The following QKI variants were observed in gnomAD, a reference collection of about 807,000 sequenced individuals.
The protein encoded by QKI is QKI, KH domain containing RNA binding.
QKI carries 10 observed loss-of-function variants against 39.0 expected under a neutral mutation model. The ratio of observed to expected loss-of-function variants is 0.26; its 90% CI spans 0.16 to 0.43. The LOEUF (loss-of-function observed/expected upper bound fraction) is 0.43. QKI is among the 20% of genes least tolerant of loss of function. The pLI, the probability that QKI is intolerant of heterozygous loss-of-function variation, is 1.00. For synonymous variants in QKI, 204 were observed against 155.4 expected (o/e 1.31, Z -2.33); for missense variants, 218 against 428.0 (o/e 0.51, Z 4.33).
chr6:163,536,912 A>G (rs373394370), intron 4 of QKI, among the ~76,000 whole-genome samples: 4 of 152,146 alleles, frequency 2.6e-5, no homozygotes, highest in Admixed American at 6.5e-5. Flanking sequence ...TTTCTCATCT[A>G]TGAGATTGGA....
rs1283566928 is a variant in QKI at position 163,439,337 on chromosome 6, TTTG to T, written c.143-15939_143-15937del. Among the ~76,000 whole-genome samples the T allele has an allele frequency of 2.5e-4, 33 of 129,438 alleles. 2 individuals are homozygous for T. The highest frequency in any genetic ancestry group is 4.9e-4 in the Non-Finnish European group (29 of 59,104). 84.9% of individuals were successfully genotyped at this position (129,438 alleles called of 152,430 possible). A position where few individuals can be genotyped will look rare whatever the true frequency, so the allele number is the denominator to read the frequency against. The stretch of plus-strand genomic sequence containing the variant: ...CTAGAATAATCCTTCGTGGTTTTTT[TTTG>T]TTTTTTTTTTTTTTCGGGGGGGTGG... On this transcript the variant is annotated intron_variant, in intron 1 of 7. Coordinates refer to ENST00000361752, the MANE Select transcript of QKI (RefSeq NM_006775.3).
chr6:163,544,008 T>C (rs1350878441), intron 4 of QKI, among the ~76,000 whole-genome samples: 1 of 152,108 alleles, frequency 6.6e-6, no homozygotes, highest in Admixed American at 6.6e-5. Context: ...TGTCATAGTT[T>C]TTCTCACAAA....
chr6:163,569,541 C>A, intron 7 of QKI: 1 of 1,205,014 alleles, frequency 8.3e-7, no homozygotes, highest in Non-Finnish European at 1.1e-6. Flanking sequence ...TTAAGTGGAC[C>A]AAGTTTGGTG....
intron 4 of QKI, among the ~76,000 whole-genome samples, chr6:163,545,106 A>G (rs905757414): frequency 6.6e-6 from 1 of 152,154 alleles, no homozygotes; most frequent in Non-Finnish European, 1.5e-5. Context: ...AATCACAGCC[A>G]TCACCTTTGT....
At chr6:163,519,448 A>G (rs1780020542) in intron 3 of QKI, among the ~76,000 whole-genome samples, 1 of 151,986 alleles carries the variant, frequency 6.6e-6, no homozygotes, top group African/African-American at 2.4e-5. Context: ...TTTATGTGGC[A>G]CAGTGGCGAC....
intron 1 of QKI, among the ~76,000 whole-genome samples, chr6:163,420,183 T>G (rs1250410279): frequency 2.0e-5 from 3 of 149,368 alleles, no homozygotes; most frequent in Non-Finnish European, 4.4e-5. Flanking sequence ...GGTGGTTTTT[T>G]TCTTTCCTTT....
At chr6:163,458,825 C>G (rs922620989) in intron 2 of QKI, among the ~76,000 whole-genome samples, 2 of 152,140 alleles carry the variant, frequency 1.3e-5, no homozygotes, top group African/African-American at 4.8e-5. Flanking sequence ...TCTATTGCAT[C>G]TCTACTGTGT....
rs1007712870 is a variant in QKI at position 163,578,298 on chromosome 6, C to T, written c.*7588C>T. ...AATATTTGCAAGTGAATCCACAATTCTTGCAGAACTATTTGAGTTGATACT... is the reference window on the plus strand; with the variant it reads ...AATATTTGCAAGTGAATCCACAATTTTTGCAGAACTATTTGAGTTGATACT... On this transcript the variant is annotated 3_prime_UTR_variant, in exon 8 of 8. Coordinates refer to ENST00000361752, the MANE Select transcript of QKI (RefSeq NM_006775.3). 6.6e-6 allele frequency: 1 copy of T among 152,160 alleles called. No individual in the cohort carries two copies. Among genetic ancestry groups the T allele is most frequent in the African/African-American group, 2.4e-5 (1 of 41,424 alleles). The allele number at this position is 152,160 out of a possible 1,614,324, so 9.4% of individuals were successfully genotyped here. A position where few individuals can be genotyped will look rare whatever the true frequency, so the allele number is the denominator to read the frequency against.
intron 2 of QKI, among the ~76,000 whole-genome samples, chr6:163,456,087 C>T (rs1363660441): frequency 6.6e-6 from 1 of 152,154 alleles, no homozygotes; most frequent in Non-Finnish European, 1.5e-5. Context: ...TAAGTCAAGT[C>T]TATTCCCAGT....
chr6:163,561,025 A>G (rs912222321), intron 4 of QKI, among the ~76,000 whole-genome samples: 1 of 152,240 alleles, frequency 6.6e-6, no homozygotes, highest in Admixed American at 6.5e-5. Context: ...GCTTTGGACA[A>G]TAAATCATAT....
chr6:163,510,827 A>G (rs970004659), intron 3 of QKI, among the ~76,000 whole-genome samples: 1 of 151,056 alleles, frequency 6.6e-6, no homozygotes, highest in African/African-American at 2.4e-5. Context: ...AAAGGCAGAA[A>G]TAGTTCCACA....
At chr6:163,494,040 A>G (rs1200413190) in intron 3 of QKI, among the ~76,000 whole-genome samples, 6 of 152,196 alleles carry the variant, frequency 3.9e-5, no homozygotes, top group African/African-American at 1.4e-4. Flanking sequence ...GAATTTGTGT[A>G]TACCTTCAAC....
chr6:163,445,054 A>T (rs1437304956), intron 1 of QKI, among the ~76,000 whole-genome samples: 2 of 152,072 alleles, frequency 1.3e-5, no homozygotes, highest in Admixed American at 1.3e-4. Context: ...CTACAGGCAC[A>T]CCACCACACC....
rs750076096 is a variant in QKI at position 163,563,565 on chromosome 6, C to A, written c.780C>A (p.Thr260=). ...TGCCTTTGATCAGACAAATACAGAC[C>A]GCTGTCATGCCAAACGGAACTCCTC... ...TIMPLIRQIQ[T]AVMPNGTPHP... is the part of the protein sequence containing the mutation. Residue 260 remains threonine (T), a synonymous_variant, in exon 6 of 8, where the codon ACC becomes ACA. Transcript: ENST00000361752. 1.2e-6 allele frequency: 2 copies of A among 1,614,020 alleles called. No individual in the cohort carries two copies. The highest frequency in any genetic ancestry group is 2.2e-5 in the East Asian group (1 of 44,888).
intron 1 of QKI, among the ~76,000 whole-genome samples, chr6:163,419,810 AGT>A (rs1787844307): frequency 6.6e-6 from 1 of 152,218 alleles, no homozygotes; most frequent in African/African-American, 2.4e-5. Context: ...TCTCTTTGCT[AGT>A]CACATTTACG....
intron 2 of QKI, among the ~76,000 whole-genome samples, chr6:163,467,144 T>C (rs969186535): frequency 2.0e-5 from 3 of 152,012 alleles, no homozygotes; most frequent in Admixed American, 1.3e-4. Flanking sequence ...TATGAAAAGG[T>C]GCTTAACATC....
chr6:163,512,441 A>G (rs1214132024), intron 3 of QKI, among the ~76,000 whole-genome samples: 1 of 152,126 alleles, frequency 6.6e-6, no homozygotes, highest in African/African-American at 2.4e-5. Flanking sequence ...AGGTCATTCC[A>G]GCAAGAAGAG....
chr6:163,570,481 A>T (rs1783639810), intron 7 of QKI: 1 of 952,248 alleles, frequency 1.1e-6, no homozygotes. Flanking sequence ...GCTCTTCTTC[A>T]TTTGTTCAAA....
At chr6:163,452,065 A>G (rs557103960) in intron 1 of QKI, among the ~76,000 whole-genome samples, 1 of 152,244 alleles carries the variant, frequency 6.6e-6, no homozygotes, top group South Asian at 2.1e-4. Context: ...CAGTGGATTT[A>G]GTTCATTCAT....
Sources: allele counts gnomAD v4.1 joint callset (sites outside exome capture counted in the v4.1 genomes callset), GRCh38; gene constraint gnomAD v4.1.1; transcripts MANE v1.5; gene names NCBI Gene and HGNC (gene_info 2026-07-23, HGNC 2026-07-21).